Variants in NEO1 observed in about 807,000 individuals in gnomAD.
NEO1 encodes neogenin 1, also known as neogenin.
NEO1 carries 63 observed loss-of-function variants against 159.7 expected under a neutral mutation model. The ratio of observed to expected loss-of-function variants is 0.39; its 90% CI spans 0.32 to 0.49. The LOEUF (loss-of-function observed/expected upper bound fraction) is 0.49, where lower values mean the gene tolerates loss of function less well. Among genes scored for constraint, NEO1 ranks in the 20% least tolerant of loss-of-function variants. The probability of loss-of-function intolerance (pLI) is 0.85; values close to 1 mark genes in which losing one functional copy is unlikely to be tolerated. For missense variants in NEO1, 1,615 were observed against 1,831.0 expected, an observed-to-expected ratio of 0.88 and a Z score of 2.15; for synonymous variants, 633 against 662.0, an observed-to-expected ratio of 0.96 and a Z score of 0.67.
At chr15:73,155,978 C>A (rs113288632) in intron 5 of NEO1, among the ~76,000 whole-genome samples, 1 of 152,040 alleles carries the variant, frequency 6.6e-6, no homozygotes, top group Non-Finnish European at 1.5e-5. Flanking sequence ...GGACCTATTG[C>A]GGGAGAATTA....
chr15:73,071,367 A>G (rs2068523341), intron 1 of NEO1, among the ~76,000 whole-genome samples: 1 of 152,192 alleles, frequency 6.6e-6, no homozygotes, highest in Non-Finnish European at 1.5e-5. Context: ...GTATTCATAA[A>G]GTTTGAGAAA....
rs762494266 is a variant in NEO1 at position 73,254,916 on chromosome 15, C to T, written c.2092+87C>T. On this transcript the variant is annotated intron_variant, in intron 13 of 28. Coordinates refer to ENST00000261908, the MANE Select transcript of NEO1 (RefSeq NM_002499.4). ...TAGTCTAATGACTGCTCTGAACTGT[C>T]GACTTATACAAACAAATTTAAAATG... is the stretch of plus-strand genomic sequence containing the variant. The T allele has an allele frequency of 1.3e-5, 18 of 1,380,280 alleles. No homozygotes were observed. The Admixed American group carries it at 2.9e-4, about 22-fold the overall frequency. The allele number at this position is 1,380,280 out of a possible 1,614,324, so 85.5% of individuals were successfully genotyped here.
intron 1 of NEO1, 38 bp downstream of exon 1, chr15:73,052,843 G>A: frequency 2.3e-6 from 1 of 429,298 alleles, no homozygotes; most frequent in Non-Finnish European, 3.2e-6. Context: ...TCGCGGGGGC[G>A]CGGCACCGGC....
intron 21 of NEO1, among the ~76,000 whole-genome samples, chr15:73,275,773 C>A (rs1159671420): frequency 6.6e-6 from 1 of 152,096 alleles, no homozygotes; most frequent in Non-Finnish European, 1.5e-5. Context: ...CTGTAACTGC[C>A]ATGGTGGAGG....
At chr15:73,123,106 G>A (rs2071766216) in intron 3 of NEO1, among the ~76,000 whole-genome samples, 1 of 151,226 alleles carries the variant, frequency 6.6e-6, no homozygotes, top group Non-Finnish European at 1.5e-5. Context: ...GCAGTGAGCT[G>A]AGATTGTGCC....
intron 1 of NEO1, among the ~76,000 whole-genome samples, chr15:73,053,463 C>T (rs774014112): frequency 6.6e-6 from 1 of 152,220 alleles, no homozygotes; most frequent in Non-Finnish European, 1.5e-5. Flanking sequence ...TGAAATGCCT[C>T]TTCTTTCCTG....
rs150687146 is a variant in NEO1, at chr15:73,293,978, C to T, written c.3901+430C>T. Among the ~76,000 whole-genome samples, 139 of 152,272 alleles carry T rather than the reference C, an allele frequency of 9.1e-4. 2 individuals are homozygous for T. The East Asian group carries it at 0.018, about 20-fold the overall frequency. On this transcript the variant is annotated intron_variant, in intron 26 of 28. Coordinates refer to ENST00000261908, the MANE Select transcript of NEO1 (RefSeq NM_002499.4). ...ACTGTTACATACAGGTTACTTCCACCGTGGACCAAAGTGCAAACAACATCC... is the reference window on the plus strand; with the variant it reads ...ACTGTTACATACAGGTTACTTCCACTGTGGACCAAAGTGCAAACAACATCC...
intron 12 of NEO1, 107 bp downstream of exon 12, chr15:73,253,556 G>A: frequency 1.5e-6 from 1 of 682,902 alleles, no homozygotes; most frequent in Non-Finnish European, 2.4e-6. Context: ...TAAATGAATG[G>A]CGATGTGGTA....
intron 5 of NEO1, among the ~76,000 whole-genome samples, chr15:73,149,733 C>T (rs912859774): frequency 2.2e-4 from 33 of 152,240 alleles, no homozygotes; most frequent in African/African-American, 5.8e-4. Context: ...TTTTAAATTA[C>T]TACATAATAT....
chr15:73,274,597 T>C, intron 20 of NEO1, 95 bp from the exon 21 acceptor site: 1 of 1,240,776 alleles, frequency 8.1e-7, no homozygotes. Flanking sequence ...TTGTGGGGGT[T>C]TTAGTTTTTT....
At chr15:73,169,544 A>C (rs1219747860) in intron 5 of NEO1, among the ~76,000 whole-genome samples, 1 of 152,008 alleles carries the variant, frequency 6.6e-6, no homozygotes, top group Non-Finnish European at 1.5e-5. Flanking sequence ...TGAAAGGGAA[A>C]CTAATGATTA....
chr15:73,062,160 T>C (rs2068010321), intron 1 of NEO1, among the ~76,000 whole-genome samples: 1 of 152,210 alleles, frequency 6.6e-6, no homozygotes, highest in African/African-American at 2.4e-5. Flanking sequence ...GTTTCCACAC[T>C]TCCTTGCCAA....
At chr15:73,124,307 C>T (rs2029877411) in intron 3 of NEO1, among the ~76,000 whole-genome samples, 1 of 152,104 alleles carries the variant, frequency 6.6e-6, no homozygotes, top group Admixed American at 6.5e-5. Context: ...AAGTGATTCT[C>T]CTACCTTGGC....
chr15:73,260,041 T>C (rs965734445), intron 14 of NEO1, among the ~76,000 whole-genome samples: 3 of 151,030 alleles, frequency 2.0e-5, no homozygotes, highest in African/African-American at 7.3e-5. Flanking sequence ...AATATTGCAG[T>C]GTCTTGTATT....
At chr15:73,192,353 T>C (rs2036280836) in intron 7 of NEO1, among the ~76,000 whole-genome samples, 2 of 152,054 alleles carry the variant, frequency 1.3e-5, no homozygotes, top group Non-Finnish European at 2.9e-5. Flanking sequence ...ATGGTAGTCC[T>C]TATATTACAG....
chr15:73,227,244 C>A (rs2038639336), intron 7 of NEO1, among the ~76,000 whole-genome samples: 1 of 152,120 alleles, frequency 6.6e-6, no homozygotes, highest in Non-Finnish European at 1.5e-5. Flanking sequence ...ACCTGTAATC[C>A]CAGCACTTTG....
chr15:73,138,545 A>G (rs945162586), intron 5 of NEO1, among the ~76,000 whole-genome samples: 3 of 152,058 alleles, frequency 2.0e-5, no homozygotes, highest in Non-Finnish European at 4.4e-5. Context: ...TCACGAGGTC[A>G]GGAGATCGAG....
At chr15:73,158,271 G>A (rs1185837595) in intron 5 of NEO1, among the ~76,000 whole-genome samples, 2 of 100,698 alleles carry the variant, frequency 2.0e-5, no homozygotes, top group Non-Finnish European at 3.8e-5. Flanking sequence ...GATTCAGCTT[G>A]TTAAATTTGA....
intron 26 of NEO1, among the ~76,000 whole-genome samples, chr15:73,296,109 T>G (rs903677477): frequency 6.6e-6 from 1 of 152,120 alleles, no homozygotes; most frequent in Non-Finnish European, 1.5e-5. Flanking sequence ...GGCAACCCCA[T>G]TTTCCTTTTT....
Sources: gnomAD v4.1 joint callset for allele counts (sites outside exome capture counted in the v4.1 genomes callset) on GRCh38, gnomAD v4.1.1 for gene constraint, MANE v1.5 for transcripts, NCBI Gene and HGNC (gene_info 2026-07-23, HGNC 2026-07-21) for gene names.